MS4A10: variants seen among roughly 807,000 people sequenced by gnomAD.
The protein encoded by MS4A10 is membrane spanning 4-domains A10.
Under a neutral mutation model 27.7 loss-of-function variants are expected in MS4A10, and 27 were observed. The observed-to-expected ratio is 0.98, with a 90% CI of 0.72 to 1.35. MS4A10 has a LOEUF of 1.35. Among genes scored for constraint, MS4A10 ranks in the 40% most tolerant of loss-of-function variants. The pLI is 0.00. For synonymous variants in MS4A10, 139 were observed against 131.2 expected (o/e 1.06, Z -0.41); for missense variants, 338 against 324.7 (o/e 1.04, Z -0.32).
At chr11:60,790,618 A>C in intron 2 of MS4A10, 100 bp downstream of exon 2, 1 of 1,308,594 alleles carries the variant, frequency 7.6e-7, no homozygotes, top group Non-Finnish European at 1.0e-6. Context: ...GGAAAAGAGA[A>C]AGGCTCCAGC....
intron 1 of MS4A10, among the ~76,000 whole-genome samples, chr11:60,788,071 C>T (rs1252034365): frequency 2.6e-5 from 4 of 151,364 alleles, no homozygotes; most frequent in Non-Finnish European, 5.9e-5. Context: ...ATTATATGGC[C>T]AATTAAGTTT....
intron 7 of MS4A10, among the ~76,000 whole-genome samples, chr11:60,798,892 G>T (rs564069551): frequency 6.6e-6 from 1 of 152,308 alleles, no homozygotes; most frequent in African/African-American, 2.4e-5. Flanking sequence ...CTGATCAATG[G>T]TGGATGCACA....
chr11:60,792,139 A>C, intron 3 of MS4A10, 126 bp from the exon 4 acceptor site: 1 of 740,376 alleles, frequency 1.4e-6, no homozygotes, highest in South Asian at 1.6e-5. Flanking sequence ...TTGCTGGAGG[A>C]ATAGTATTCC....
At chr11:60,799,645 T>A (rs971080993) in intron 7 of MS4A10, among the ~76,000 whole-genome samples, 183 bp from the exon 8 acceptor site, 3 of 152,158 alleles carry the variant, frequency 2.0e-5, no homozygotes, top group African/African-American at 4.8e-5. Context: ...CTCTGAGCCA[T>A]CACCCTTGCC....
chr11:60,790,167 C>G (rs1483011516), intron 1 of MS4A10, 147 bp from the exon 2 acceptor site: 4 of 649,198 alleles, frequency 6.2e-6, no homozygotes, highest in Non-Finnish European at 1.0e-5. Flanking sequence ...CAGGTCAAAT[C>G]AAGACCAAGA....
At position 60,794,033 on chromosome 11, in the gene MS4A10, T is replaced by A. The variant is rs750128074; in HGVS notation, c.422T>A (p.Val141Asp). The A allele has an allele frequency of 6.2e-7, 1 of 1,614,180 alleles. No individual in the cohort carries two copies. The highest frequency in any genetic ancestry group is 8.5e-7 in the Non-Finnish European group (1 of 1,180,028). The change falls in exon 5 of 8, where the codon GTC becomes GAC. Residue 141 changes from valine to aspartate, a missense_variant. Coordinates refer to ENST00000308287, the MANE Select transcript of MS4A10 (RefSeq NM_206893.4). ...SLFCVLSGLF[V>D]ISKDLFLESP... ...TTTTGCGTGCTGTCTGGCCTCTTCGTCATCTCCAAGGATCTCTTTCTGGAG... is the reference window on the plus strand; with the variant it reads ...TTTTGCGTGCTGTCTGGCCTCTTCGACATCTCCAAGGATCTCTTTCTGGAG...
At chr11:60,795,952 G>A (rs1165789564) in intron 6 of MS4A10, among the ~76,000 whole-genome samples, 1 of 152,156 alleles carries the variant, frequency 6.6e-6, no homozygotes, top group Admixed American at 6.5e-5. Flanking sequence ...AGGCCCTGGG[G>A]AAATTGCATC....
Position 60,798,442 on chromosome 11 carries a change from G to T in MS4A10, c.650G>T (p.Gly217Val), listed in dbSNP as rs978479756. 2 of 1,614,020 alleles carry T rather than the reference G, an allele frequency of 1.2e-6. No homozygotes were observed. The highest frequency in any genetic ancestry group is 1.3e-5 in the African/African-American group (1 of 74,928). Residue 217 changes from glycine (G) to valine (V), a missense_variant, in exon 7 of 8, where the codon GGC becomes GTC. Physicochemically the swap from Gly to Val is moderately radical, Grantham distance 109. Transcript: ENST00000308287. ...CCGAATACACCATTGCATCTCAAAG[G>T]CCTGCCGGTGGAGCCCCCGCCATCC... ...LVPNTPLHLKGLPVEPPPSYQ... is the reference protein window; with the variant it reads ...LVPNTPLHLKVLPVEPPPSYQ...
chr11:60,789,764 A>G (rs779227190), intron 1 of MS4A10, among the ~76,000 whole-genome samples: 3 of 152,224 alleles, frequency 2.0e-5, no homozygotes, highest in Non-Finnish European at 4.4e-5. Context: ...TGGAGCAGAG[A>G]AAGTATTTGT....
intron 1 of MS4A10, among the ~76,000 whole-genome samples, chr11:60,788,484 T>A (rs1341143044): frequency 6.6e-6 from 1 of 152,224 alleles, no homozygotes; most frequent in African/African-American, 2.4e-5. Context: ...CTCCCAGGTG[T>A]GCAGAGTCTA....
In MS4A10 at chr11:60,794,032, G is replaced by A. The variant is rs200380093; in HGVS notation, c.421G>A (p.Val141Ile). 75 of 1,614,076 alleles carry A rather than the reference G, an allele frequency of 4.6e-5. No individual in the cohort carries two copies. The East Asian group carries it at 8.2e-4, about 18-fold the overall frequency. ...SLFCVLSGLF[V>I]ISKDLFLESP... ...CTTTTGCGTGCTGTCTGGCCTCTTC[G>A]TCATCTCCAAGGATCTCTTTCTGGA... The change falls in exon 5 of 8, where the codon GTC (valine) becomes ATC (isoleucine). Residue 141 changes from valine (V) to isoleucine (I), a missense_variant. Physicochemically the swap from Val to Ile is conservative, Grantham distance 29. Coordinates refer to ENST00000308287, the MANE Select transcript of MS4A10 (RefSeq NM_206893.4).
Position 60,800,044 on chromosome 11 carries a change from T to G in MS4A10, c.*135T>G. The G allele has an allele frequency of 7.7e-7, 1 of 1,299,184 alleles. No homozygotes were observed. The highest frequency in any genetic ancestry group is 1.1e-6 in the Non-Finnish European group (1 of 951,682). The allele number at this position is 1,299,184 out of a possible 1,614,324, so 80.5% of individuals were successfully genotyped here. A position where few individuals can be genotyped will look rare whatever the true frequency, so the allele number is the denominator to read the frequency against. ...ATGGTCTATACAGCAAAGTCAGCCC[T>G]CACAGCTCCTGGGAACGCTGTCCTC... is the stretch of plus-strand genomic sequence containing the variant. On this transcript the variant is annotated 3_prime_UTR_variant, in exon 8 of 8. Transcript: ENST00000308287.
intron 7 of MS4A10, 57 bp from the exon 8 acceptor site, chr11:60,799,768 AATC>A: frequency 2.5e-6 from 2 of 802,550 alleles, no homozygotes; most frequent in Non-Finnish European, 4.3e-6. Context: ...AATGTCATTT[AATC>A]CTCCCATCGA....
chr11:60,789,241 C>G (rs559067236), intron 1 of MS4A10, among the ~76,000 whole-genome samples: 23 of 152,300 alleles, frequency 1.5e-4, no homozygotes, highest in African/African-American at 5.5e-4. Flanking sequence ...AGAGCAGCCT[C>G]TCTCTCTCAA....
intron 6 of MS4A10, among the ~76,000 whole-genome samples, chr11:60,796,808 C>A (rs1591001034): frequency 6.6e-6 from 1 of 151,730 alleles, no homozygotes; most frequent in East Asian, 1.9e-4. Context: ...CCCAAAGATC[C>A]TGAACAGTTC....
At chr11:60,788,057 A>T (rs547733397) in intron 1 of MS4A10, among the ~76,000 whole-genome samples, 1 of 150,034 alleles carries the variant, frequency 6.7e-6, no homozygotes, top group African/African-American at 2.5e-5. Context: ...AATAAATAAT[A>T]AAGATTATAT....
intron 6 of MS4A10, among the ~76,000 whole-genome samples, chr11:60,797,015 A>T (rs2134756819): frequency 6.6e-6 from 1 of 152,260 alleles, no homozygotes; most frequent in African/African-American, 2.4e-5. Context: ...TGACCTCATC[A>T]CACACCAAGT....
intron 5 of MS4A10, among the ~76,000 whole-genome samples, chr11:60,794,742 C>T (rs752637452): frequency 1.3e-5 from 2 of 152,192 alleles, no homozygotes; most frequent in Admixed American, 6.5e-5. Context: ...GTGGCACAAT[C>T]GAGGCTCACT....
chr11:60,795,776 T>C lies in MS4A10; in HGVS notation c.603+111T>C, dbSNP rs1271765606. 20 of 590,460 alleles carry C rather than the reference T, an allele frequency of 3.4e-5. 1 individual carries two copies. The East Asian group carries it at 7.3e-4, about 21-fold the overall frequency. The allele number at this position is 590,460 out of a possible 1,614,324, so 36.6% of individuals were successfully genotyped here. The stretch of plus-strand genomic sequence containing the variant: ...TTACAAGAGGAGCGTGTTTCATTCA[T>C]TCCTCACGTTGCTGAGCGTTCACTA... On this transcript the variant is annotated intron_variant, in intron 6 of 7. Transcript: ENST00000308287.
Sources: allele counts gnomAD v4.1 joint callset (sites outside exome capture counted in the v4.1 genomes callset), GRCh38; gene constraint gnomAD v4.1.1; transcripts MANE v1.5; gene names NCBI Gene and HGNC (gene_info 2026-07-23, HGNC 2026-07-21).